The following PTPN9 variants were observed in gnomAD, a reference collection of about 807,000 sequenced individuals.
PTPN9 encodes the protein tyrosine-protein phosphatase non-receptor type 9.
PTPN9 carries 26 observed loss-of-function variants against 69.8 expected under a neutral mutation model. That is an observed-to-expected ratio of 0.37 (90% CI 0.27 to 0.52). The LOEUF (loss-of-function observed/expected upper bound fraction) is 0.52, where lower values mean the gene tolerates loss of function less well. Ranked by LOEUF, PTPN9 falls within the 20% of genes least tolerant of loss-of-function variation. PTPN9 has a pLI of 0.91. For synonymous variants in PTPN9, 274 were observed against 272.5 expected (o/e 1.01, Z -0.05); for missense variants, 549 against 740.3 (o/e 0.74, Z 3.00).
rs1397531214 is a variant in PTPN9, at chr15:75,510,344, C to CA, written c.529-1318dup. On this transcript the variant is annotated intron_variant, in intron 5 of 12. Coordinates refer to ENST00000618819, the MANE Select transcript of PTPN9 (RefSeq NM_002833.4). ...CACTGAGTCCTGTACCTCCCAGGCTCAAATGATCCTCCCACCTCAGGCTCC... is the reference window on the plus strand; with the variant it reads ...CACTGAGTCCTGTACCTCCCAGGCTCAAAATGATCCTCCCACCTCAGGCTCC... 2.6e-5 allele frequency among the ~76,000 whole-genome samples: 4 copies of CA among 152,146 alleles called. No homozygotes were observed. In the East Asian group the frequency reaches 7.7e-4, roughly 29 times the overall value.
chr15:75,530,862 T>G (rs1342486684), intron 1 of PTPN9, among the ~76,000 whole-genome samples: 1 of 95,734 alleles, frequency 1.0e-5, no homozygotes, highest in Non-Finnish European at 2.0e-5. Flanking sequence ...TATGATATAT[T>G]ATATATTACG....
At chr15:75,508,349 C>T (rs560035790) in intron 6 of PTPN9, among the ~76,000 whole-genome samples, 1 of 152,186 alleles carries the variant, frequency 6.6e-6, no homozygotes, top group South Asian at 2.1e-4. Flanking sequence ...TAAGCATGAG[C>T]CATTACACTT....
chr15:75,548,143 GCCTGAA>G (rs1401253146), intron 1 of PTPN9, among the ~76,000 whole-genome samples: 3 of 152,114 alleles, frequency 2.0e-5, no homozygotes, highest in African/African-American at 7.2e-5. Context: ...AAGTGGTAGA[GCCTGAA>G]TCAGAACACA....
chr15:75,481,206 T>C (rs1219771153), intron 8 of PTPN9, among the ~76,000 whole-genome samples: 1 of 72,642 alleles, frequency 1.4e-5, no homozygotes, highest in Admixed American at 1.5e-4. Flanking sequence ...GGCCGCCCCG[T>C]CTGAGAAGTG....
intron 3 of PTPN9, 94 bp from the exon 4 acceptor site, chr15:75,523,339 T>C: frequency 3.0e-6 from 4 of 1,351,524 alleles, no homozygotes; most frequent in Non-Finnish European, 4.0e-6. Flanking sequence ...TTGATACATG[T>C]AGAAAACAGA....
rs34430924 is a variant in PTPN9, at chr15:75,486,781, GTTTTTTT to G, written c.1062+3420_1062+3426del. Among the ~76,000 whole-genome samples the G allele has an allele frequency of 4.2e-5, 5 of 118,524 alleles. No homozygotes were observed. In the East Asian group the frequency reaches 9.9e-4, roughly 23 times the overall value. 77.8% of individuals were successfully genotyped at this position (118,524 alleles called of 152,430 possible). On this transcript the variant is annotated intron_variant, in intron 8 of 12. Coordinates refer to ENST00000618819, the MANE Select transcript of PTPN9 (RefSeq NM_002833.4). ...ATATGTGAAGTAATGCATATGTGGT[GTTTTTTT>G]TTTTTTTTTTTTTGAGACGGAGTCT...
intron 9 of PTPN9, among the ~76,000 whole-genome samples, chr15:75,474,778 T>C (rs747897442): frequency 6.6e-6 from 1 of 152,226 alleles, no homozygotes; most frequent in African/African-American, 2.4e-5. Flanking sequence ...CGTCATCTTC[T>C]AAGTTACTGT....
chr15:75,578,634 G>T, intron 1 of PTPN9, 80 bp downstream of exon 1: 1 of 1,149,680 alleles, frequency 8.7e-7, no homozygotes, highest in Non-Finnish European at 1.1e-6. Flanking sequence ...GCTGCAAAGA[G>T]CCGGCACTCG....
At chr15:75,517,436 C>A in intron 4 of PTPN9, 72 bp from the exon 5 acceptor site, 1 of 1,188,798 alleles carries the variant, frequency 8.4e-7, no homozygotes, top group African/African-American at 1.5e-5. Context: ...AGCCTAATGC[C>A]AAAACAAAAC....
In PTPN9 at chr15:75,467,611, G is replaced by C. The variant is rs183482390; in HGVS notation, c.*1158C>G. The C allele has an allele frequency of 7.2e-5, 11 of 152,726 alleles. No homozygotes were observed. Among genetic ancestry groups the C allele is most frequent in the African/African-American group, 2.6e-4 (11 of 41,534 alleles). The allele number at this position is 152,726 out of a possible 1,614,324, so 9.5% of individuals were successfully genotyped here. ...GTAGACAGGGCCAAGCTGCATAAAG[G>C]AACCATCCAGCAAAAGAAAAAGGGC... On this transcript the variant is annotated 3_prime_UTR_variant, in exon 13 of 13. Transcript: ENST00000618819.
rs2074875677 is a variant in PTPN9 at position 75,517,325 on chromosome 15, G to A, written c.462C>T (p.Asp154=). ...AGTTGGCATAATTAGAACCACACAT[G>A]TCATAGATAAACACCAGTCCATTCC... is the stretch of plus-strand genomic sequence containing the variant. The part of the protein sequence containing the change: ...TQRNGLVFIY[D]MCGSNYANFE... Residue 154 remains aspartate (D), a synonymous_variant, in exon 5 of 13, where the codon GAC becomes GAT. Transcript: ENST00000618819. The A allele has an allele frequency of 8.1e-6, 13 of 1,613,918 alleles. No homozygotes were observed. The highest frequency in any genetic ancestry group is 1.1e-5 in the Non-Finnish European group (13 of 1,179,884).
chr15:75,522,297 C>G (rs1160055826), intron 4 of PTPN9, among the ~76,000 whole-genome samples: 1 of 152,104 alleles, frequency 6.6e-6, no homozygotes, highest in African/African-American at 2.4e-5. Flanking sequence ...GCTTATGCAC[C>G]TCTTTTTATT....
intron 4 of PTPN9, among the ~76,000 whole-genome samples, chr15:75,522,199 T>C (rs1231562316): frequency 6.6e-6 from 1 of 152,186 alleles, no homozygotes; most frequent in African/African-American, 2.4e-5. Flanking sequence ...AAAAAACTTC[T>C]TGGGGCTTGA....
At chr15:75,571,306 C>A (rs2075147237) in intron 1 of PTPN9, among the ~76,000 whole-genome samples, 1 of 152,082 alleles carries the variant, frequency 6.6e-6, no homozygotes, top group Non-Finnish European at 1.5e-5. Context: ...TAATGGCTAA[C>A]TTTTCTGACT....
intron 9 of PTPN9, among the ~76,000 whole-genome samples, chr15:75,476,408 G>A (rs1170436320): frequency 3.9e-5 from 6 of 152,026 alleles, no homozygotes; most frequent in Non-Finnish European, 8.8e-5. Context: ...TCTGCCTGCC[G>A]CGTTCAAGCG....
chr15:75,474,436 T>G (rs1406909828), intron 9 of PTPN9, among the ~76,000 whole-genome samples: 1 of 152,140 alleles, frequency 6.6e-6, no homozygotes, highest in Non-Finnish European at 1.5e-5. Context: ...CAAGAATTGC[T>G]TGACCCCGGG....
intron 10 of PTPN9, 79 bp downstream of exon 10, chr15:75,473,610 G>T: frequency 7.9e-7 from 1 of 1,263,324 alleles, no homozygotes; most frequent in Non-Finnish European, 1.1e-6. Context: ...ATTTCTAAAA[G>T]CTAAACTTCC....
intron 7 of PTPN9, among the ~76,000 whole-genome samples, chr15:75,502,659 A>T (rs2074780189): frequency 6.6e-6 from 1 of 152,128 alleles, no homozygotes; most frequent in South Asian, 2.1e-4. Context: ...AAGTCCTATG[A>T]GGCAACTGTA....
At chr15:75,528,152 G>C (rs1441911314) in intron 1 of PTPN9, among the ~76,000 whole-genome samples, 1 of 152,140 alleles carries the variant, frequency 6.6e-6, no homozygotes, top group Non-Finnish European at 1.5e-5. Flanking sequence ...CTAGTACCCA[G>C]AGTCAATAAC....
Sources: allele counts gnomAD v4.1 joint callset (sites outside exome capture counted in the v4.1 genomes callset), GRCh38; gene constraint gnomAD v4.1.1; transcripts MANE v1.5; gene names NCBI Gene and HGNC (gene_info 2026-07-23, HGNC 2026-07-21).